Variants in ATP11B observed in about 807,000 individuals in gnomAD.
ATP11B encodes ATPase phospholipid transporting 11B (putative), also known as phospholipid-transporting ATPase IF.
ATP11B carries 81 observed loss-of-function variants against 157.8 expected under a neutral mutation model. The ratio of observed to expected loss-of-function variants is 0.51; its 90% CI spans 0.43 to 0.62. ATP11B has a LOEUF of 0.62. Among genes scored for constraint, ATP11B ranks in the 20% least tolerant of loss-of-function variants. The pLI, the probability that ATP11B is intolerant of heterozygous loss-of-function variation, is 0.00. For missense variants in ATP11B, 1,165 were observed against 1,402.2 expected (o/e 0.83, Z 2.70); for synonymous variants, 451 against 469.4 (o/e 0.96, Z 0.51).
chr3:182,896,373 C>T (rs1176982253), intron 25 of ATP11B, among the ~76,000 whole-genome samples: 1 of 152,136 alleles, frequency 6.6e-6, no homozygotes, highest in Non-Finnish European at 1.5e-5. Context: ...ATTTTGTTAC[C>T]ATTTTTACTG....
At chr3:182,885,225 G>A (rs894453493) in intron 22 of ATP11B, among the ~76,000 whole-genome samples, 28 of 152,130 alleles carry the variant, frequency 1.8e-4, no homozygotes, top group Admixed American at 2.6e-4. Flanking sequence ...GTAGTCTAGT[G>A]AAATGTGTGA....
intron 10 of ATP11B, among the ~76,000 whole-genome samples, chr3:182,852,909 A>G (rs1416162906): frequency 1.3e-5 from 2 of 152,228 alleles, no homozygotes; most frequent in Non-Finnish European, 2.9e-5. Context: ...GATGCCAGAA[A>G]CTAAAACAAA....
At chr3:182,807,787 A>C (rs1264743831) in intron 1 of ATP11B, among the ~76,000 whole-genome samples, 1 of 152,168 alleles carries the variant, frequency 6.6e-6, no homozygotes, top group Non-Finnish European at 1.5e-5. Context: ...TACATATTTT[A>C]CTTTTTGTGC....
intron 10 of ATP11B, among the ~76,000 whole-genome samples, chr3:182,856,955 T>C (rs1432396571): frequency 2.0e-5 from 3 of 152,166 alleles, no homozygotes. Flanking sequence ...TAATGATGAG[T>C]TCCTTTAATT....
intron 1 of ATP11B, among the ~76,000 whole-genome samples, chr3:182,817,139 A>G (rs1279953930): frequency 6.6e-6 from 1 of 152,212 alleles, no homozygotes; most frequent in African/African-American, 2.4e-5. Context: ...TAGATATTAT[A>G]TCATCATTGG....
At chr3:182,802,875 T>C (rs576281442) in intron 1 of ATP11B, among the ~76,000 whole-genome samples, 15 of 152,322 alleles carry the variant, frequency 9.8e-5, no homozygotes, top group African/African-American at 3.6e-4. Context: ...ACCATTTCTT[T>C]CTCATGTATT....
chr3:182,872,566 C>T (rs771156), intron 18 of ATP11B, 29 bp downstream of exon 18: 1,138,531 of 1,531,020 alleles, frequency 0.74, 426,895 homozygotes, highest in Non-Finnish European at 0.77. Context: ...AAAAATATTA[C>T]TTTTCTCTCA....
intron 28 of ATP11B, among the ~76,000 whole-genome samples, chr3:182,906,786 AAAAAAG>A (rs1448017036): frequency 2.2e-4 from 34 of 151,474 alleles, no homozygotes; most frequent in Admixed American, 5.2e-4. Context: ...TTAAAAAAAA[AAAAAAG>A]AAGAAGAAGA....
intron 10 of ATP11B, among the ~76,000 whole-genome samples, chr3:182,856,154 C>CT (rs1720387834): frequency 6.6e-6 from 1 of 152,084 alleles, no homozygotes; most frequent in South Asian, 2.1e-4. Flanking sequence ...CTTTATTGAG[C>CT]TTTTTTGTGT....
chr3:182,834,683 A>G (rs548054808), intron 4 of ATP11B, among the ~76,000 whole-genome samples: 3 of 152,314 alleles, frequency 2.0e-5, no homozygotes, highest in South Asian at 2.1e-4. Context: ...CCATTCCTTA[A>G]TATTTAATCA....
chr3:182,810,126 G>A (rs892325879), intron 1 of ATP11B, among the ~76,000 whole-genome samples: 1 of 152,146 alleles, frequency 6.6e-6, no homozygotes, highest in Admixed American at 6.5e-5. Context: ...GAGATCAGGA[G>A]TTCAAGACCA....
Position 182,842,238 on chromosome 3 carries a change from T to C in ATP11B, c.704+116T>C, listed in dbSNP as rs1214477188. On this transcript the variant is annotated intron_variant, in intron 8 of 29. Transcript: ENST00000323116. ...GCAGCCCATCATGGGAAAGGGTTAA[T>C]TTTGTTGTGTTTTGTTTGTTTTGTT... The C allele has an allele frequency of 8.6e-6, 6 of 701,220 alleles. No individual in the cohort carries two copies. The African/African-American group carries it at 9.0e-5, about 11-fold the overall frequency. The allele number at this position is 701,220 out of a possible 1,614,324, so 43.4% of individuals were successfully genotyped here.
intron 9 of ATP11B, among the ~76,000 whole-genome samples, chr3:182,847,801 T>C (rs1719654592): frequency 6.6e-6 from 1 of 152,166 alleles, no homozygotes; most frequent in Non-Finnish European, 1.5e-5. Context: ...CCCGAGGATG[T>C]AGAACTAATA....
At chr3:182,807,056 C>G (rs1716369731) in intron 1 of ATP11B, among the ~76,000 whole-genome samples, 1 of 151,430 alleles carries the variant, frequency 6.6e-6, no homozygotes, top group South Asian at 2.1e-4. Flanking sequence ...AAAAAAAAGA[C>G]TATCTGTCTT....
chr3:182,918,340 T>G lies in ATP11B; in HGVS notation c.*236T>G, dbSNP rs1417673443. 1.0e-5 allele frequency: 5 copies of G among 502,288 alleles called. No homozygotes were observed. The East Asian group carries it at 1.6e-4, about 16-fold the overall frequency. The allele number at this position is 502,288 out of a possible 1,614,324, so 31.1% of individuals were successfully genotyped here. ...TGAGAATAAAGAGACATTTTTCATC[T>G]CTTTGTCTGGTTTGTCCCTTGTGCT... On this transcript the variant is annotated 3_prime_UTR_variant, in exon 30 of 30. Transcript: ENST00000323116.
chr3:182,859,207 A>C lies in ATP11B; in HGVS notation c.1048A>C (p.Asn350His). 1 of 1,612,400 alleles carries C rather than the reference A, an allele frequency of 6.2e-7. No individual in the cohort carries two copies. The highest frequency in any genetic ancestry group is 8.5e-7 in the Non-Finnish European group (1 of 1,179,246). ...SDFLAFLVLYNFIIPISLYVT... is the reference protein window; with the variant it reads ...SDFLAFLVLYHFIIPISLYVT... Reference sequence around the variant, plus strand: ...CTTCCTTGCTTTTTTGGTTCTCTACAATTTCATCATTCCAATTTCATTATA... The same window carrying C: ...CTTCCTTGCTTTTTTGGTTCTCTACCATTTCATCATTCCAATTTCATTATA... The change falls in exon 12 of 30, where the codon AAT becomes CAT. Residue 350 changes from asparagine to histidine, a missense_variant. Physicochemically the swap from Asn to His is moderately conservative, Grantham distance 68 (BLOSUM62 1). This residue lies in a region of ATP11B where 737 missense variants were observed against 930.5 expected (regional missense o/e 0.79). Transcript: ENST00000323116.
In ATP11B at chr3:182,856,878, C is replaced by T. The variant is rs1378719456; in HGVS notation, c.852-1000C>T. On this transcript the variant is annotated intron_variant, in intron 10 of 29. Transcript: ENST00000323116. The stretch of plus-strand genomic sequence containing the variant: ...ACAAAGCTTGTGATTCACATTTTCC[C>T]TCAATATTTGTTGGATGTGAGAGTT... Among the ~76,000 whole-genome samples, 4 of 152,304 alleles carry T rather than the reference C, an allele frequency of 2.6e-5. No individual in the cohort carries two copies. The East Asian group carries it at 7.7e-4, about 29-fold the overall frequency.
intron 12 of ATP11B, among the ~76,000 whole-genome samples, chr3:182,863,312 C>T (rs1300708772): frequency 6.6e-6 from 1 of 152,056 alleles, no homozygotes; most frequent in Non-Finnish European, 1.5e-5. Context: ...CCTAAAGGCC[C>T]ATTTTTACTT....
In ATP11B at chr3:182,880,874, T is replaced by TC. The variant is rs763349595; in HGVS notation, c.2407-5_2407-4insC. 6.4e-7 allele frequency: 1 copy of TC among 1,555,314 alleles called. No homozygotes were observed. Among genetic ancestry groups the TC allele is most frequent in the Admixed American group, 2.0e-5 (1 of 49,278 alleles). On this transcript the variant is annotated splice_polypyrimidine_tract_variant and splice_region_variant and intron_variant, in intron 20 of 29. Coordinates refer to ENST00000323116, the MANE Select transcript of ATP11B (RefSeq NM_014616.3). ...CATAAATAACCAATTCATTATGTCT[T>TC]TCAGGTAATAAGACTAATAAAAATA...
Sources: allele counts gnomAD v4.1 joint callset (sites outside exome capture counted in the v4.1 genomes callset), GRCh38; gene constraint gnomAD v4.1.1; regional missense constraint gnomAD v4.1.1; transcripts MANE v1.5; gene names NCBI Gene and HGNC (gene_info 2026-07-23, HGNC 2026-07-21).